Variants in ADD3 observed in about 807,000 individuals in gnomAD.
The protein encoded by ADD3 is adducin 3.
ADD3 carries 25 observed loss-of-function variants against 80.2 expected under a neutral mutation model. The observed-to-expected ratio is 0.31, with a 90% CI of 0.23 to 0.44. The LOEUF (loss-of-function observed/expected upper bound fraction) is 0.44. Among genes scored for constraint, ADD3 ranks in the 20% least tolerant of loss-of-function variants. The pLI is 1.00. For synonymous variants in ADD3, 284 were observed against 289.6 expected (o/e 0.98, Z 0.20); for missense variants, 829 against 847.5 (o/e 0.98, Z 0.27).
chr10:110,108,498 A>T (rs1849632263), intron 2 of ADD3, among the ~76,000 whole-genome samples: 1 of 152,164 alleles, frequency 6.6e-6, no homozygotes. Flanking sequence ...TGAGACTCAA[A>T]TATATCAACT....
intron 1 of ADD3, 140 bp from the exon 2 acceptor site, chr10:110,100,485 T>G: frequency 4.3e-6 from 2 of 463,034 alleles, no homozygotes; most frequent in Non-Finnish European, 3.8e-6. Context: ...TAAAAAATTG[T>G]TCTAATATTT....
chr10:110,058,802 T>G (rs1858523085), intron 1 of ADD3, among the ~76,000 whole-genome samples: 1 of 152,210 alleles, frequency 6.6e-6, no homozygotes, highest in South Asian at 2.1e-4. Context: ...AATCAGCATC[T>G]AAGTATCTAG....
intron 1 of ADD3, among the ~76,000 whole-genome samples, chr10:110,024,422 C>G (rs1854042424): frequency 6.6e-6 from 1 of 152,178 alleles, no homozygotes; most frequent in South Asian, 2.1e-4. Flanking sequence ...AGAATCCAAT[C>G]CAGTAAGACT....
At chr10:110,099,727 A>G (rs899886039) in intron 1 of ADD3, among the ~76,000 whole-genome samples, 1 of 151,112 alleles carries the variant, frequency 6.6e-6, no homozygotes, top group African/African-American at 2.5e-5. Flanking sequence ...AAATATTTGC[A>G]TAAGATTTTT....
intron 1 of ADD3, among the ~76,000 whole-genome samples, chr10:110,082,416 A>G (rs1230735817): frequency 1.3e-5 from 2 of 152,210 alleles, no homozygotes; most frequent in African/African-American, 4.8e-5. Context: ...TATTTTAAAC[A>G]TACCTTTTGG....
At chr10:110,069,660 A>C (rs1589973407) in intron 1 of ADD3, among the ~76,000 whole-genome samples, 1 of 152,200 alleles carries the variant, frequency 6.6e-6, no homozygotes, top group Non-Finnish European at 1.5e-5. Context: ...TTGACCATGA[A>C]ATTTGTTTAC....
At chr10:110,118,514 C>T in intron 5 of ADD3, 73 bp from the exon 6 acceptor site, 2 of 1,359,588 alleles carry the variant, frequency 1.5e-6, no homozygotes, top group Non-Finnish European at 2.1e-6. Context: ...TTTGCTACCC[C>T]CTGGTTTAGC....
chr10:110,074,799 G>T (rs1845196812), intron 1 of ADD3, among the ~76,000 whole-genome samples: 2 of 152,126 alleles, frequency 1.3e-5, no homozygotes, highest in South Asian at 4.1e-4. Context: ...GGGATAGCAT[G>T]CTTCATGAGT....
chr10:110,108,794 T>G (rs1038876141), intron 2 of ADD3, among the ~76,000 whole-genome samples: 1 of 152,188 alleles, frequency 6.6e-6, no homozygotes, highest in Admixed American at 6.5e-5. Flanking sequence ...ATTAAACCTT[T>G]TTTGCACTGG....
chr10:110,118,720 C>T lies in ADD3; in HGVS notation c.701C>T (p.Thr234Ile), dbSNP rs2134116963. The T allele has an allele frequency of 1.2e-6, 2 of 1,613,966 alleles. No individual in the cohort carries two copies. The highest frequency in any genetic ancestry group is 2.2e-5 in the East Asian group (1 of 44,854). ...GTTAAGTGTGTGATACACATCCATA[C>T]CCTTGCAACAGCAGCTGTAAGTCAA... ...PDVKCVIHIHTLATAAVSSMK... is the reference protein window; with the variant it reads ...PDVKCVIHIHILATAAVSSMK... The change falls in exon 6 of 15, where the codon ACC (threonine) becomes ATC (isoleucine). Residue 234 changes from threonine (T) to isoleucine (I), a missense_variant. Coordinates refer to ENST00000356080, the MANE Select transcript of ADD3 (RefSeq NM_016824.5).
intron 1 of ADD3, among the ~76,000 whole-genome samples, chr10:110,097,257 T>G (rs1475262099): frequency 6.6e-6 from 1 of 152,196 alleles, no homozygotes; most frequent in Non-Finnish European, 1.5e-5. Flanking sequence ...GTTTTCTTTT[T>G]GTAAGTGTGT....
chr10:110,026,372 C>T (rs1257977745), intron 1 of ADD3, among the ~76,000 whole-genome samples: 1 of 151,226 alleles, frequency 6.6e-6, no homozygotes, highest in East Asian at 1.9e-4. Context: ...ACCTCAGCCT[C>T]CCGGTTCAAG....
chr10:110,026,207 C>T (rs1445515725), intron 1 of ADD3, among the ~76,000 whole-genome samples: 2 of 151,836 alleles, frequency 1.3e-5, no homozygotes, highest in African/African-American at 2.4e-5. Flanking sequence ...AACAGTTCCA[C>T]CCCTCCAATG....
intron 1 of ADD3, among the ~76,000 whole-genome samples, chr10:110,045,734 C>T (rs978234473): frequency 1.3e-5 from 2 of 152,182 alleles, no homozygotes; most frequent in African/African-American, 4.8e-5. Context: ...CTTACACACA[C>T]AAACACAGAC....
intron 2 of ADD3, among the ~76,000 whole-genome samples, chr10:110,102,773 T>G (rs1243785889): frequency 5.9e-5 from 9 of 152,190 alleles, no homozygotes; most frequent in Non-Finnish European, 2.9e-5. Flanking sequence ...AGAGTCTAAA[T>G]GAAAAAAATT....
At chr10:110,020,738 C>G (rs1298304377) in intron 1 of ADD3, among the ~76,000 whole-genome samples, 1 of 152,110 alleles carries the variant, frequency 6.6e-6, no homozygotes, top group Non-Finnish European at 1.5e-5. Flanking sequence ...GATGATGTAT[C>G]TGGTAGAGGT....
intron 3 of ADD3, among the ~76,000 whole-genome samples, chr10:110,113,995 A>G (rs1051691028): frequency 1.3e-5 from 2 of 152,260 alleles, no homozygotes; most frequent in African/African-American, 4.8e-5. Flanking sequence ...GAAAACCTCA[A>G]AAGCTCAAAG....
At chr10:110,100,564 A>G (rs1341962838) in intron 1 of ADD3, 61 bp from the exon 2 acceptor site, 10 of 1,132,932 alleles carry the variant, frequency 8.8e-6, no homozygotes, top group African/African-American at 3.2e-5. Flanking sequence ...TGCTTGACCC[A>G]TGTAAATTTT....
chr10:110,057,325 A>G (rs1564904443), intron 1 of ADD3, among the ~76,000 whole-genome samples: 1 of 152,192 alleles, frequency 6.6e-6, no homozygotes, highest in Admixed American at 6.5e-5. Context: ...ATGCAGGAAA[A>G]CAGTTTTACT....
Sources: gnomAD v4.1 joint callset for allele counts (sites outside exome capture counted in the v4.1 genomes callset) on GRCh38, gnomAD v4.1.1 for gene constraint, MANE v1.5 for transcripts, NCBI Gene and HGNC (gene_info 2026-07-23, HGNC 2026-07-21) for gene names.